The following ATRNL1 variants were observed in gnomAD, a reference collection of about 807,000 sequenced individuals.
The protein encoded by ATRNL1 is attractin like 1.
Under a neutral mutation model 182.7 loss-of-function variants are expected in ATRNL1, and 95 were observed. The observed-to-expected ratio is 0.52, with a 90% CI of 0.44 to 0.62. ATRNL1 has a LOEUF of 0.62. Among genes scored for constraint, ATRNL1 ranks in the 20% least tolerant of loss-of-function variants. The pLI is 0.00. For missense variants in ATRNL1, 1,471 were observed against 1,679.5 expected (o/e 0.88, Z 2.17); for synonymous variants, 576 against 568.3 (o/e 1.01, Z -0.19).
At chr10:115,168,790 C>A (rs1027521301) in intron 7 of ATRNL1, among the ~76,000 whole-genome samples, 3 of 151,852 alleles carry the variant, frequency 2.0e-5, no homozygotes, top group African/African-American at 7.3e-5. Flanking sequence ...TCTTTTTAAA[C>A]ACAAAAAATT....
chr10:115,217,037 G>T (rs1849260810), intron 9 of ATRNL1, among the ~76,000 whole-genome samples: 1 of 151,986 alleles, frequency 6.6e-6, no homozygotes, highest in South Asian at 2.1e-4. Flanking sequence ...TTGTGGTATA[G>T]TGATGAAGGT....
At chr10:115,566,883 C>T (rs1284498567) in intron 26 of ATRNL1, among the ~76,000 whole-genome samples, 1 of 152,082 alleles carries the variant, frequency 6.6e-6, no homozygotes, top group African/African-American at 2.4e-5. Flanking sequence ...TTCACATGCA[C>T]CCCAGGAGGC....
chr10:115,363,944 A>G (rs1554945070), intron 19 of ATRNL1, among the ~76,000 whole-genome samples: 2 of 151,862 alleles, frequency 1.3e-5, no homozygotes, highest in African/African-American at 4.8e-5. Flanking sequence ...GTTTGAAGTC[A>G]GGTAGTGTGA....
At chr10:115,116,634 G>T (rs1193321982) in intron 1 of ATRNL1, among the ~76,000 whole-genome samples, 3 of 152,072 alleles carry the variant, frequency 2.0e-5, no homozygotes, top group Non-Finnish European at 4.4e-5. Flanking sequence ...TGAAGAAGGA[G>T]AATTGTTCTT....
intron 20 of ATRNL1, among the ~76,000 whole-genome samples, chr10:115,400,131 T>C (rs1046641213): frequency 2.6e-5 from 4 of 151,984 alleles, no homozygotes; most frequent in Admixed American, 6.6e-5. Flanking sequence ...GAACAGACAC[T>C]TTTCAAAAGA....
At chr10:115,860,718 A>G (rs1555103315) in intron 28 of ATRNL1, among the ~76,000 whole-genome samples, 1 of 152,158 alleles carries the variant, frequency 6.6e-6, no homozygotes, top group East Asian at 1.9e-4. Flanking sequence ...AGACATTCCC[A>G]AAAGTCATGC....
chr10:115,452,029 T>C (rs556016347), intron 21 of ATRNL1, among the ~76,000 whole-genome samples: 1 of 152,274 alleles, frequency 6.6e-6, no homozygotes, highest in East Asian at 1.9e-4. Flanking sequence ...ATACTGCATG[T>C]TCTCACTTAC....
intron 26 of ATRNL1, among the ~76,000 whole-genome samples, chr10:115,678,325 A>G (rs1349504122): frequency 6.6e-6 from 1 of 152,116 alleles, no homozygotes; most frequent in Non-Finnish European, 1.5e-5. Context: ...TATAAGTACA[A>G]TTGAACAATA....
At chr10:115,152,322 C>T (rs1224268360) in intron 5 of ATRNL1, among the ~76,000 whole-genome samples, 5 of 152,126 alleles carry the variant, frequency 3.3e-5, no homozygotes, top group Admixed American at 6.5e-5. Flanking sequence ...GCCATTTTCA[C>T]GATGTTGATT....
chr10:115,324,447 C>A (rs1298407043), intron 18 of ATRNL1, among the ~76,000 whole-genome samples: 1 of 152,084 alleles, frequency 6.6e-6, no homozygotes. Context: ...ATTTGTATAA[C>A]CTGGGTTGTG....
chr10:115,480,380 G>A (rs1298092278), intron 24 of ATRNL1, among the ~76,000 whole-genome samples: 1 of 150,910 alleles, frequency 6.6e-6, no homozygotes, highest in Non-Finnish European at 1.5e-5. Context: ...AACACTTTTC[G>A]TTATTTGTGG....
intron 28 of ATRNL1, among the ~76,000 whole-genome samples, chr10:115,887,967 AG>A (rs1951990067): frequency 6.6e-6 from 1 of 152,128 alleles, no homozygotes; most frequent in African/African-American, 2.4e-5. Context: ...TGTGGAAAAG[AG>A]TAATCTTTTG....
chr10:115,791,887 C>A (rs533480393), intron 27 of ATRNL1, among the ~76,000 whole-genome samples: 1 of 152,204 alleles, frequency 6.6e-6, no homozygotes, highest in East Asian at 1.9e-4. Context: ...TTCTTTCATT[C>A]CTGAAACAAA....
At chr10:115,914,762 G>A (rs782445284) in intron 28 of ATRNL1, among the ~76,000 whole-genome samples, 5 of 152,160 alleles carry the variant, frequency 3.3e-5, no homozygotes, top group Non-Finnish European at 5.9e-5. Flanking sequence ...AGTGAGATAA[G>A]GGAAATGAGT....
intron 5 of ATRNL1, among the ~76,000 whole-genome samples, chr10:115,143,078 C>T (rs1293030792): frequency 6.6e-6 from 1 of 151,910 alleles, no homozygotes; most frequent in East Asian, 1.9e-4. Context: ...TGGAGGTGTT[C>T]GCTTAAATAT....
At chr10:115,501,749 A>G (rs1396644406) in intron 24 of ATRNL1, among the ~76,000 whole-genome samples, 1 of 152,174 alleles carries the variant, frequency 6.6e-6, no homozygotes, top group Non-Finnish European at 1.5e-5. Context: ...AAACAAAACA[A>G]AGGATTAGCA....
At chr10:115,260,811 A>G (rs922075856) in intron 10 of ATRNL1, among the ~76,000 whole-genome samples, 1 of 152,162 alleles carries the variant, frequency 6.6e-6, no homozygotes, top group African/African-American at 2.4e-5. Flanking sequence ...AAGAATCTCC[A>G]TAAAGTATTA....
intron 17 of ATRNL1, among the ~76,000 whole-genome samples, chr10:115,306,195 A>G (rs1486778051): frequency 6.6e-6 from 1 of 152,140 alleles, no homozygotes; most frequent in Non-Finnish European, 1.5e-5. Flanking sequence ...AACCATTGGT[A>G]AATAATCTTT....
intron 26 of ATRNL1, among the ~76,000 whole-genome samples, chr10:115,684,093 A>G (rs1946140792): frequency 6.6e-6 from 1 of 151,748 alleles, no homozygotes; most frequent in Non-Finnish European, 1.5e-5. Context: ...ATTGTTCTGT[A>G]TTAATTATTA....
Sources: allele counts gnomAD v4.1 joint callset (sites outside exome capture counted in the v4.1 genomes callset), GRCh38; gene constraint gnomAD v4.1.1; transcripts MANE v1.5; gene names NCBI Gene and HGNC (gene_info 2026-07-23, HGNC 2026-07-21).